STC2: variants seen among roughly 807,000 people sequenced by gnomAD.
The protein encoded by STC2 is stanniocalcin-2.
A neutral mutation model predicts 22.7 loss-of-function variants in STC2; 7 were observed. The ratio of observed to expected loss-of-function variants is 0.31; its 90% CI spans 0.18 to 0.58. STC2 has a LOEUF of 0.58. Ranked by LOEUF, STC2 falls within the 20% of genes least tolerant of loss-of-function variation. STC2 has a pLI of 0.89. For synonymous variants in STC2, 158 were observed against 163.4 expected (o/e 0.97, Z 0.25); for missense variants, 336 against 406.2 (o/e 0.83, Z 1.48).
At position 173,325,386 on chromosome 5, in the gene STC2, G is replaced by A. The variant is rs576356365; in HGVS notation, c.294+482C>T. The stretch of plus-strand genomic sequence containing the variant: ...GAAGGACTCAATCAGGGTTTCGACC[G>A]GTCAGCTTGGGAGAGAAAGATCTGC... On this transcript the variant is annotated intron_variant, in intron 2 of 3. Transcript: ENST00000265087. The surrounding 1 kb of genome is among the most constrained non-coding windows in gnomAD (Gnocchi z 4.7). Among the ~76,000 whole-genome samples the A allele has an allele frequency of 2.0e-3, 308 of 152,270 alleles. 1 individual carries two copies. The highest frequency in any genetic ancestry group is 5.4e-3 in the African/African-American group (225 of 41,540).
chr5:173,322,897 A>C, intron 3 of STC2: 1 of 373,736 alleles, frequency 2.7e-6, no homozygotes, highest in Non-Finnish European at 5.1e-6. Context: ...ACAGCTACTC[A>C]GAATATTCTG....
At position 173,315,656 on chromosome 5, in the gene STC2, A is replaced by G. The variant is rs968264612; in HGVS notation, c.*2191T>C. On this transcript the variant is annotated 3_prime_UTR_variant, in exon 4 of 4. Transcript: ENST00000265087. Reference sequence around the variant, plus strand: ...AACAGCTGACTCAGCAACGCAGGAGAATGTTATTGCTTTAGCTTTTGAGTG... The same window carrying G: ...AACAGCTGACTCAGCAACGCAGGAGGATGTTATTGCTTTAGCTTTTGAGTG... 6.6e-6 allele frequency: 1 copy of G among 152,200 alleles called. No individual in the cohort carries two copies. The highest frequency in any genetic ancestry group is 2.4e-5 in the African/African-American group (1 of 41,428). 9.4% of individuals were successfully genotyped at this position (152,200 alleles called of 1,614,324 possible). A position where few individuals can be genotyped will look rare whatever the true frequency, so the allele number is the denominator to read the frequency against.
At chr5:173,326,073 G>A in intron 1 of STC2, 63 bp from the exon 2 acceptor site, 2 of 1,545,020 alleles carry the variant, frequency 1.3e-6, no homozygotes, top group Non-Finnish European at 1.8e-6. Flanking sequence ...AATGCAGAGA[G>A]GTCATTTGAA....
At chr5:173,327,997 G>A (rs1762571752) in intron 1 of STC2, 46 bp downstream of exon 1, 2 of 1,409,494 alleles carry the variant, frequency 1.4e-6, no homozygotes, top group Non-Finnish European at 9.3e-7. Context: ...TGGGTGCACG[G>A]TGTCCTCTCC....
At chr5:173,319,040 G>A (rs556910825) in intron 3 of STC2, among the ~76,000 whole-genome samples, 2 of 152,142 alleles carry the variant, frequency 1.3e-5, no homozygotes, top group African/African-American at 4.8e-5. Flanking sequence ...GGAGTTGAAG[G>A]CTGGCGGTCA....
rs1762416587 is a variant in STC2 at position 173,316,025 on chromosome 5, A to C, written c.*1822T>G. 6.6e-6 allele frequency: 1 copy of C among 152,236 alleles called. No individual in the cohort carries two copies. The highest frequency in any genetic ancestry group is 2.4e-5 in the African/African-American group (1 of 41,442). The allele number at this position is 152,236 out of a possible 1,614,324, so 9.4% of individuals were successfully genotyped here. A position where few individuals can be genotyped will look rare whatever the true frequency, so the allele number is the denominator to read the frequency against. ...TGAAGGCATTCCCCAGGAACAAGTC[A>C]TTTTAGAGCAGATACGCTTGGTTTC... On this transcript the variant is annotated 3_prime_UTR_variant, in exon 4 of 4. Transcript: ENST00000265087.
rs774339789 is a variant in STC2, at chr5:173,317,836, G to A, written c.*11C>T. On this transcript the variant is annotated 3_prime_UTR_variant, in exon 4 of 4. Coordinates refer to ENST00000265087, the MANE Select transcript of STC2 (RefSeq NM_003714.3). ...GCGTGGAGGAAAGATTTCGTGGCCA[G>A]GCCTTTCATTTCACCTCCGGATATC... is the stretch of plus-strand genomic sequence containing the variant. 14 of 1,542,262 alleles carry A rather than the reference G, an allele frequency of 9.1e-6. No individual in the cohort carries two copies. The East Asian group carries it at 1.6e-4, about 18-fold the overall frequency.
At chr5:173,326,116 AG>A in intron 1 of STC2, 106 bp from the exon 2 acceptor site, 2 of 1,331,088 alleles carry the variant, frequency 1.5e-6, no homozygotes, top group Non-Finnish European at 2.1e-6. Context: ...AAATTTAAGG[AG>A]GAAAAAAGAC....
chr5:173,325,587 T>C lies in STC2; in HGVS notation c.294+281A>G, dbSNP rs530597690. Among the ~76,000 whole-genome samples the C allele has an allele frequency of 6.6e-6, 1 of 152,354 alleles. No individual in the cohort carries two copies. The highest frequency in any genetic ancestry group is 1.9e-4 in the East Asian group (1 of 5,196). On this transcript the variant is annotated intron_variant, in intron 2 of 3. Transcript: ENST00000265087. This position sits in a 1 kb window ranked among gnomAD's most constrained non-coding sequence, Gnocchi z 4.7. ...CCCCTGCCTCTCATGCAGTGGGCTT[T>C]GGAGACTGAGTTCTGGGTGGCCAGA...
rs114820307 is a variant in STC2 at position 173,320,818 on chromosome 5, T to C, written c.506+2401A>G. Among the ~76,000 whole-genome samples, 556 of 151,954 alleles carry C rather than the reference T, an allele frequency of 3.7e-3. 4 individuals carry two copies. Among genetic ancestry groups the C allele is most frequent in the African/African-American group, 0.013 (531 of 41,432 alleles). On this transcript the variant is annotated intron_variant, in intron 3 of 3. Transcript: ENST00000265087. The stretch of plus-strand genomic sequence containing the variant: ...AAATTCAGTTCTCTCTTTTTTTTTT[T>C]TTTTGACCAATGCCACACATTTGGA...
chr5:173,321,391 A>G (rs2113134027), intron 3 of STC2, among the ~76,000 whole-genome samples: 1 of 152,242 alleles, frequency 6.6e-6, no homozygotes. Flanking sequence ...CTAATGGGGG[A>G]CAGGGCTAGA....
Position 173,317,391 on chromosome 5 carries a change from C to T in STC2, c.*456G>A, listed in dbSNP as rs1189013670. 3 of 153,912 alleles carry T rather than the reference C, an allele frequency of 1.9e-5. No homozygotes were observed. The Admixed American group carries it at 2.0e-4, about 10-fold the overall frequency. 9.5% of individuals were successfully genotyped at this position (153,912 alleles called of 1,614,324 possible). Reference sequence around the variant, plus strand: ...TAAGCGATATTTATTTTTACATTCACTCCTGTCCTGGAATCCAGCCGCCCT... The same window carrying T: ...TAAGCGATATTTATTTTTACATTCATTCCTGTCCTGGAATCCAGCCGCCCT... On this transcript the variant is annotated 3_prime_UTR_variant, in exon 4 of 4. Coordinates refer to ENST00000265087, the MANE Select transcript of STC2 (RefSeq NM_003714.3).
At chr5:173,327,872 G>A (rs1031492446) in intron 1 of STC2, among the ~76,000 whole-genome samples, 171 bp downstream of exon 1, 4 of 152,230 alleles carry the variant, frequency 2.6e-5, no homozygotes, top group Non-Finnish European at 2.9e-5. Context: ...CTCGGAGCCC[G>A]GCGCGGACCT....
chr5:173,327,122 G>A (rs1762557404), intron 1 of STC2, among the ~76,000 whole-genome samples: 1 of 152,168 alleles, frequency 6.6e-6, no homozygotes, highest in African/African-American at 2.4e-5. Flanking sequence ...AAGACCCCAC[G>A]CGCCGCCGGG....
rs1486345243 is a variant in STC2, at chr5:173,325,293, T to G, written c.294+575A>C. ...CAACTCCGCGTTCCCCTTGGGACCC[T>G]GGGATAACCGAAGTGGGTCAGGCCC... is the stretch of plus-strand genomic sequence containing the variant. On this transcript the variant is annotated intron_variant, in intron 2 of 3. Coordinates refer to ENST00000265087, the MANE Select transcript of STC2 (RefSeq NM_003714.3). The surrounding 1 kb of genome is among the most constrained non-coding windows in gnomAD (Gnocchi z 4.7). Among the ~76,000 whole-genome samples, 1 of 152,166 alleles carries G rather than the reference T, an allele frequency of 6.6e-6. No individual in the cohort carries two copies.
intron 3 of STC2, among the ~76,000 whole-genome samples, chr5:173,321,677 G>A (rs557334246): frequency 6.6e-6 from 1 of 152,264 alleles, no homozygotes; most frequent in South Asian, 2.1e-4. Context: ...ACCTCAGTCC[G>A]AGTTCTCTAA....
intron 3 of STC2, chr5:173,322,981 C>T (rs572138912): frequency 1.2e-5 from 7 of 563,524 alleles, no homozygotes; most frequent in South Asian, 4.2e-5. Context: ...CTTAGTAAAA[C>T]GATTTCCCAT....
chr5:173,319,990 C>G (rs190583744), intron 3 of STC2, among the ~76,000 whole-genome samples: 1 of 152,236 alleles, frequency 6.6e-6, no homozygotes, highest in Non-Finnish European at 1.5e-5. Flanking sequence ...ATGCTCCACG[C>G]GTGCTTGTTT....
chr5:173,322,892 T>C, intron 3 of STC2: 2 of 367,870 alleles, frequency 5.4e-6, no homozygotes, highest in South Asian at 2.9e-5. Flanking sequence ...CCTCTACAGC[T>C]ACTCAGAATA....
Sources: allele counts gnomAD v4.1 joint callset (sites outside exome capture counted in the v4.1 genomes callset), GRCh38; gene constraint gnomAD v4.1.1; non-coding constraint Gnocchi (gnomAD v3.1); transcripts MANE v1.5; gene names NCBI Gene and HGNC (gene_info 2026-07-23, HGNC 2026-07-21).